AGAP1: variants seen among roughly 807,000 people sequenced by gnomAD.
AGAP1 encodes ArfGAP with GTPase domain, ankyrin repeat and PH domain 1, also known as arf-GAP with GTPase, ANK repeat and PH domain-containing protein 1.
Under a neutral mutation model 105.3 loss-of-function variants are expected in AGAP1, and 29 were observed. The observed-to-expected ratio is 0.28, with a 90% CI of 0.21 to 0.38. AGAP1 has a LOEUF of 0.38. Among genes scored for constraint, AGAP1 ranks in the 10% least tolerant of loss-of-function variants. The probability of loss-of-function intolerance (pLI) is 1.00; values close to 1 mark genes in which losing one functional copy is unlikely to be tolerated. For missense variants in AGAP1, 998 were observed against 1,165.1 expected (o/e 0.86, Z 2.09); for synonymous variants, 509 against 485.9 (o/e 1.05, Z -0.63).
chr2:235,582,170 G>A lies in AGAP1; in HGVS notation c.163+87321G>A, dbSNP rs1315414243. Reference sequence around the variant, plus strand: ...CCCTGGATCCTAGTGGTGGCCCCTGGTCACCAGATGTGAGCCCTGGAGCGC... The same window carrying A: ...CCCTGGATCCTAGTGGTGGCCCCTGATCACCAGATGTGAGCCCTGGAGCGC... On this transcript the variant is annotated intron_variant, in intron 1 of 17. Coordinates refer to ENST00000304032, the MANE Select transcript of AGAP1 (RefSeq NM_001037131.3). The surrounding 1 kb of genome is among the most constrained non-coding windows in gnomAD (Gnocchi z 4.7). 1.3e-5 allele frequency among the ~76,000 whole-genome samples: 2 copies of A among 152,236 alleles called. No homozygotes were observed. The highest frequency in any genetic ancestry group is 3.9e-4 in the East Asian group (2 of 5,180).
chr2:236,068,821 AT>A lies in AGAP1; in HGVS notation c.2114+19543del, dbSNP rs1436954389. On this transcript the variant is annotated intron_variant, in intron 16 of 17. Coordinates refer to ENST00000304032, the MANE Select transcript of AGAP1 (RefSeq NM_001037131.3). Reference sequence around the variant, plus strand: ...TCAAAAAAAAAAAAAAAAAAAAAAAATTTATCCTAAAAACTGAAGGATGTAG... The same window carrying A: ...TCAAAAAAAAAAAAAAAAAAAAAAAATTATCCTAAAAACTGAAGGATGTAG... Among the ~76,000 whole-genome samples the A allele has an allele frequency of 3.1e-5, 4 of 129,592 alleles. No individual in the cohort carries two copies. The East Asian group carries it at 9.6e-4, about 31-fold the overall frequency. The allele number at this position is 129,592 out of a possible 152,430, so 85.0% of individuals were successfully genotyped here. A position where few individuals can be genotyped will look rare whatever the true frequency, so the allele number is the denominator to read the frequency against.
chr2:236,060,400 C>T (rs1276020171), intron 16 of AGAP1, among the ~76,000 whole-genome samples: 2 of 152,148 alleles, frequency 1.3e-5, no homozygotes, highest in Non-Finnish European at 2.9e-5. Flanking sequence ...ATATAAAGAA[C>T]GGTTACAGGT....
intron 1 of AGAP1, among the ~76,000 whole-genome samples, chr2:235,677,784 C>T (rs1017303375): frequency 1.3e-5 from 2 of 151,688 alleles, no homozygotes; most frequent in Admixed American, 6.6e-5. Flanking sequence ...CTTTCTGATG[C>T]GGCTCCTGCC....
intron 9 of AGAP1, among the ~76,000 whole-genome samples, chr2:235,869,420 T>TAAAAAAAAAAAAAA (rs35813316): frequency 8.0e-5 from 4 of 49,958 alleles, no homozygotes; most frequent in Non-Finnish European, 1.1e-4. Context: ...CCATCTCTAC[T>TAAAAAAAAAAAAAA]AAAAAAAAAA....
At chr2:235,495,648 G>A (rs1941284686) in intron 1 of AGAP1, among the ~76,000 whole-genome samples, 5 of 152,242 alleles carry the variant, frequency 3.3e-5, no homozygotes, top group Admixed American at 1.3e-4. Flanking sequence ...GGCCTTCCAG[G>A]AGAGCTACAG....
At chr2:236,086,314 G>C (rs2058927644) in intron 16 of AGAP1, among the ~76,000 whole-genome samples, 1 of 152,100 alleles carries the variant, frequency 6.6e-6, no homozygotes, top group African/African-American at 2.4e-5. Flanking sequence ...ATAACTCTCT[G>C]TCTTCTTCAG....
At chr2:235,726,307 A>T (rs972284594) in intron 3 of AGAP1, among the ~76,000 whole-genome samples, 1 of 152,206 alleles carries the variant, frequency 6.6e-6, no homozygotes, top group Non-Finnish European at 1.5e-5. Flanking sequence ...ACAGAGCCCA[A>T]CAACAGCACA....
chr2:235,966,793 A>G (rs982254384), intron 12 of AGAP1, among the ~76,000 whole-genome samples: 7 of 152,018 alleles, frequency 4.6e-5, no homozygotes, highest in African/African-American at 1.4e-4. Flanking sequence ...GGTGCATGCA[A>G]TGAAGGGTGA....
intron 9 of AGAP1, among the ~76,000 whole-genome samples, chr2:235,873,372 C>A (rs1362952907): frequency 2.0e-5 from 3 of 152,226 alleles, no homozygotes; most frequent in African/African-American, 7.2e-5. Context: ...GCTTCTGAAG[C>A]CCCAGCCAAC....
intron 1 of AGAP1, among the ~76,000 whole-genome samples, chr2:235,653,341 G>A (rs1416133497): frequency 2.0e-5 from 3 of 151,840 alleles, no homozygotes; most frequent in Non-Finnish European, 2.9e-5. Context: ...GCGGGCACCT[G>A]TGGTCCCAGC....
chr2:235,696,305 C>T (rs1020901787), intron 1 of AGAP1, among the ~76,000 whole-genome samples: 13 of 152,220 alleles, frequency 8.5e-5, no homozygotes, highest in African/African-American at 2.9e-4. Context: ...CTCGGCCTCC[C>T]AAAATGTTGG....
Position 235,904,839 on chromosome 2 carries a change from T to A in AGAP1, c.1156-3899T>A, listed in dbSNP as rs1183843216. 1.3e-5 allele frequency among the ~76,000 whole-genome samples: 2 copies of A among 152,250 alleles called. No individual in the cohort carries two copies. The highest frequency in any genetic ancestry group is 3.8e-4 in the East Asian group (2 of 5,196). Reference sequence around the variant, plus strand: ...ACTTGAAGCCACAGATACATGTGTCTTTATCTCCCACCTGTGTGTGAAGCG... The same window carrying A: ...ACTTGAAGCCACAGATACATGTGTCATTATCTCCCACCTGTGTGTGAAGCG... On this transcript the variant is annotated intron_variant, in intron 10 of 17. Coordinates refer to ENST00000304032, the MANE Select transcript of AGAP1 (RefSeq NM_001037131.3). This position sits in a 1 kb window ranked among gnomAD's most constrained non-coding sequence, Gnocchi z 4.2.
rs151246587 is a variant in AGAP1 at position 235,842,791 on chromosome 2, G to A, written c.1050+35460G>A. On this transcript the variant is annotated intron_variant, in intron 9 of 17. Coordinates refer to ENST00000304032, the MANE Select transcript of AGAP1 (RefSeq NM_001037131.3). The surrounding 1 kb of genome is among the most constrained non-coding windows in gnomAD (Gnocchi z 5.3). Reference sequence around the variant, plus strand: ...CACCCAGGCCCGAGTGCAGTGGCACGGTCTTGGTTCACTGCAACCTCTGCC... The same window carrying A: ...CACCCAGGCCCGAGTGCAGTGGCACAGTCTTGGTTCACTGCAACCTCTGCC... 0.049 allele frequency among the ~76,000 whole-genome samples: 7,459 copies of A among 151,952 alleles called. 564 individuals are homozygous for A. Among genetic ancestry groups the A allele is most frequent in the African/African-American group, 0.17 (6,901 of 41,436 alleles).
intron 13 of AGAP1, among the ~76,000 whole-genome samples, chr2:236,018,143 C>T (rs1221548741): frequency 1.3e-5 from 2 of 152,218 alleles, no homozygotes. Context: ...TGCTTTTTAA[C>T]AATTAACTTT....
rs2053831746 is a variant in AGAP1, at chr2:235,953,622, A to G, written c.1484-14840A>G. Among the ~76,000 whole-genome samples, 1 of 152,152 alleles carries G rather than the reference A, an allele frequency of 6.6e-6. No homozygotes were observed. Among genetic ancestry groups the G allele is most frequent in the Admixed American group, 6.5e-5 (1 of 15,288 alleles). On this transcript the variant is annotated intron_variant, in intron 12 of 17. Coordinates refer to ENST00000304032, the MANE Select transcript of AGAP1 (RefSeq NM_001037131.3). This position sits in a 1 kb window ranked among gnomAD's most constrained non-coding sequence, Gnocchi z 5.2. ...TGATTACGGAGCACCTATTTTGTGCATGGTGCTTGCTGGCCACTGAGCATC... is the reference window on the plus strand; with the variant it reads ...TGATTACGGAGCACCTATTTTGTGCGTGGTGCTTGCTGGCCACTGAGCATC...
At chr2:236,019,552 G>A (rs1437161240) in intron 13 of AGAP1, among the ~76,000 whole-genome samples, 2 of 152,198 alleles carry the variant, frequency 1.3e-5, no homozygotes, top group Non-Finnish European at 2.9e-5. Flanking sequence ...AGAAGAAACC[G>A]AGCCTGGGAG....
At chr2:235,764,414 G>A (rs2149801576) in intron 6 of AGAP1, among the ~76,000 whole-genome samples, 1 of 152,206 alleles carries the variant, frequency 6.6e-6, no homozygotes, top group African/African-American at 2.4e-5. Context: ...TGTCCATCTG[G>A]ACTGGGGATC....
rs958641764 is a variant in AGAP1 at position 235,655,598 on chromosome 2, A to C, written c.164-53581A>C. On this transcript the variant is annotated intron_variant, in intron 1 of 17. Transcript: ENST00000304032. The surrounding 1 kb of genome is among the most constrained non-coding windows in gnomAD (Gnocchi z 4.3). ...GAGTACCTGTATCTGATGAGTTAGT[A>C]GCTGTGAAAACGTTTCTCTAGCAAG... 6.6e-6 allele frequency among the ~76,000 whole-genome samples: 1 copy of C among 152,196 alleles called. No individual in the cohort carries two copies. The highest frequency in any genetic ancestry group is 6.5e-5 in the Admixed American group (1 of 15,276).
rs11895915 is a variant in AGAP1 at position 236,123,963 on chromosome 2, T to G, written c.2415T>G (p.Ala805=). 449,629 of 1,613,248 alleles carry G rather than the reference T, an allele frequency of 0.28. 70,151 individuals carry two copies. The highest frequency in any genetic ancestry group is 0.65 in the African/African-American group (48,279 of 74,844). The change falls in exon 18 of 18, where the codon GCT becomes GCG. Residue 805 remains alanine (A), a synonymous_variant. Coordinates refer to ENST00000304032, the MANE Select transcript of AGAP1 (RefSeq NM_001037131.3). This position sits in a 1 kb window ranked among gnomAD's most constrained non-coding sequence, Gnocchi z 4.6. ...CCCGAGATGCCCACGGGAACACAGCTCTGGCCTACGCCCGGCAGGCCTCCA... is the reference window on the plus strand; with the variant it reads ...CCCGAGATGCCCACGGGAACACAGCGCTGGCCTACGCCCGGCAGGCCTCCA... ...VTARDAHGNT[A]LAYARQASSQ...
Sources: allele counts gnomAD v4.1 joint callset (sites outside exome capture counted in the v4.1 genomes callset), GRCh38; gene constraint gnomAD v4.1.1; non-coding constraint Gnocchi (gnomAD v3.1); transcripts MANE v1.5; gene names NCBI Gene and HGNC (gene_info 2026-07-23, HGNC 2026-07-21).